Variants in ANKS1B observed in about 807,000 individuals in gnomAD.
The protein encoded by ANKS1B is ankyrin repeat and sterile alpha motif domain-containing protein 1B.
A neutral mutation model predicts 148.3 loss-of-function variants in ANKS1B; 36 were observed. That is an observed-to-expected ratio of 0.24 (90% CI 0.19 to 0.32). The LOEUF is 0.32. Ranked by LOEUF, ANKS1B falls within the 10% of genes least tolerant of loss-of-function variation. ANKS1B has a pLI of 1.00. For missense variants in ANKS1B, 1,157 were observed against 1,542.6 expected, an observed-to-expected ratio of 0.75 and a Z score of 4.19; for synonymous variants, 542 against 560.8, an observed-to-expected ratio of 0.97 and a Z score of 0.47.
intron 8 of ANKS1B, among the ~76,000 whole-genome samples, chr12:99,733,676 G>A (rs1500668): frequency 0.44 from 66,362 of 151,986 alleles, 14,892 homozygotes; most frequent in South Asian, 0.61. Context: ...TAACCAAGTA[G>A]GGTTTAAACC....
At chr12:99,236,244 C>A (rs1365595440) in intron 14 of ANKS1B, among the ~76,000 whole-genome samples, 2 of 152,182 alleles carry the variant, frequency 1.3e-5, no homozygotes, top group African/African-American at 4.8e-5. Context: ...ATGCCATCTG[C>A]AAACAGGGAT....
intron 12 of ANKS1B, among the ~76,000 whole-genome samples, chr12:99,268,931 G>A (rs896380342): frequency 6.6e-6 from 1 of 152,122 alleles, no homozygotes; most frequent in Admixed American, 6.5e-5. Flanking sequence ...AATCTAACAT[G>A]GAAAGCAAAA....
intron 17 of ANKS1B, among the ~76,000 whole-genome samples, chr12:98,856,000 G>C (rs1353179475): frequency 6.6e-6 from 1 of 152,224 alleles, no homozygotes; most frequent in Non-Finnish European, 1.5e-5. Flanking sequence ...TCTGAGACTA[G>C]AGCATTCTGA....
intron 11 of ANKS1B, among the ~76,000 whole-genome samples, chr12:99,411,002 T>C (rs997021679): frequency 6.6e-6 from 1 of 152,188 alleles, no homozygotes; most frequent in Non-Finnish European, 1.5e-5. Context: ...CCCACACTCA[T>C]GGTCTCACTA....
At chr12:99,088,139 A>G (rs2153636721) in intron 15 of ANKS1B, among the ~76,000 whole-genome samples, 1 of 152,324 alleles carries the variant, frequency 6.6e-6, no homozygotes, top group East Asian at 1.9e-4. Context: ...TAATTGGGAA[A>G]TGGAAAGGAA....
intron 19 of ANKS1B, among the ~76,000 whole-genome samples, chr12:98,822,240 G>A (rs2099201859): frequency 6.6e-6 from 1 of 152,062 alleles, no homozygotes; most frequent in Non-Finnish European, 1.5e-5. Context: ...CACACAAACA[G>A]CCCTATTTCT....
At chr12:99,197,786 C>T (rs1474247382) in intron 14 of ANKS1B, among the ~76,000 whole-genome samples, 2 of 152,060 alleles carry the variant, frequency 1.3e-5, no homozygotes, top group Non-Finnish European at 2.9e-5. Flanking sequence ...TAATGCAATC[C>T]TGTTGGTATT....
intron 8 of ANKS1B, among the ~76,000 whole-genome samples, chr12:99,711,643 T>A (rs985436517): frequency 1.3e-5 from 2 of 152,010 alleles, no homozygotes; most frequent in Non-Finnish European, 2.9e-5. Context: ...AAAACCACAA[T>A]GAGATACCAT....
At chr12:99,190,264 C>T (rs930835590) in intron 14 of ANKS1B, among the ~76,000 whole-genome samples, 1 of 152,126 alleles carries the variant, frequency 6.6e-6, no homozygotes, top group South Asian at 2.1e-4. Flanking sequence ...GTCCATACTA[C>T]CCAAAGCAAT....
At chr12:98,906,325 G>A (rs1283802889) in intron 17 of ANKS1B, among the ~76,000 whole-genome samples, 1 of 152,200 alleles carries the variant, frequency 6.6e-6, no homozygotes, top group African/African-American at 2.4e-5. Flanking sequence ...AGGGGTGGGG[G>A]CTGCAATCTG....
intron 1 of ANKS1B, among the ~76,000 whole-genome samples, chr12:99,983,053 A>C (rs2095728888): frequency 6.6e-6 from 1 of 152,246 alleles, no homozygotes; most frequent in South Asian, 2.1e-4. Flanking sequence ...TTAAAAAACC[A>C]GGGAAATCAC....
chr12:99,484,498 G>A (rs1328576755), intron 10 of ANKS1B, among the ~76,000 whole-genome samples: 4 of 151,848 alleles, frequency 2.6e-5, no homozygotes, highest in Admixed American at 2.0e-4. Context: ...GTAAATATCT[G>A]CTAAGTACAT....
intron 9 of ANKS1B, among the ~76,000 whole-genome samples, chr12:99,519,436 C>A (rs573032302): frequency 6.6e-6 from 1 of 152,186 alleles, no homozygotes; most frequent in East Asian, 1.9e-4. Flanking sequence ...AGTGTTATAT[C>A]CTCTTGCTGA....
At chr12:99,815,782 C>T (rs1266665082) in intron 2 of ANKS1B, among the ~76,000 whole-genome samples, 4 of 151,718 alleles carry the variant, frequency 2.6e-5, no homozygotes, top group East Asian at 3.9e-4. Flanking sequence ...CTTAGAATAA[C>T]GGCTTCCAGT....
intron 17 of ANKS1B, among the ~76,000 whole-genome samples, chr12:98,940,786 A>G (rs1035703923): frequency 3.9e-5 from 6 of 152,210 alleles, no homozygotes; most frequent in African/African-American, 1.4e-4. Context: ...TTTGGAAATA[A>G]CCTAGAGTCT....
chr12:98,921,017 T>C (rs1209032997), intron 17 of ANKS1B, among the ~76,000 whole-genome samples: 2 of 152,214 alleles, frequency 1.3e-5, no homozygotes, highest in Non-Finnish European at 2.9e-5. Flanking sequence ...AATACATGTA[T>C]ATAATTTATT....
At chr12:99,642,682 T>TG (rs2098322709) in intron 9 of ANKS1B, among the ~76,000 whole-genome samples, 2 of 152,250 alleles carry the variant, frequency 1.3e-5, no homozygotes, top group Non-Finnish European at 2.9e-5. Flanking sequence ...CTGGGCGTGG[T>TG]GATGCATGCC....
At chr12:99,648,912 C>A in intron 9 of ANKS1B, 2 of 1,333,716 alleles carry the variant, frequency 1.5e-6, no homozygotes, top group East Asian at 2.5e-5. Flanking sequence ...GGTCTGAAGG[C>A]CAAATGAGCT....
intron 17 of ANKS1B, among the ~76,000 whole-genome samples, chr12:98,842,796 C>G (rs542605311): frequency 5.9e-5 from 9 of 152,266 alleles, no homozygotes; most frequent in Admixed American, 4.6e-4. Flanking sequence ...TGCAGGGTAG[C>G]TTTGTTCTAG....
Sources: gnomAD v4.1 joint callset for allele counts (sites outside exome capture counted in the v4.1 genomes callset) on GRCh38, gnomAD v4.1.1 for gene constraint, MANE v1.5 for transcripts, NCBI Gene and HGNC (gene_info 2026-07-23, HGNC 2026-07-21) for gene names.